The following SH3RF2 variants were observed in gnomAD, a reference collection of about 807,000 sequenced individuals.
The protein encoded by SH3RF2 is E3 ubiquitin-protein ligase SH3RF2.
SH3RF2 carries 43 observed loss-of-function variants against 59.0 expected under a neutral mutation model. The observed-to-expected ratio is 0.73, with a 90% CI of 0.57 to 0.94. The LOEUF is 0.94. Ranked by LOEUF, SH3RF2 falls within the 40% of genes least tolerant of loss-of-function variation. The pLI is 0.00. For synonymous variants in SH3RF2, 391 were observed against 391.5 expected (o/e 1.00, Z 0.01); for missense variants, 930 against 940.1 (o/e 0.99, Z 0.14).
chr5:145,997,439 C>G (rs2149981454), intron 2 of SH3RF2: 1 of 1,447,224 alleles, frequency 6.9e-7, no homozygotes, highest in East Asian at 2.3e-5. Flanking sequence ...CTGGCTGGTG[C>G]AAGGATGTTT....
chr5:146,044,843 T>C (rs1369381125), intron 5 of SH3RF2, among the ~76,000 whole-genome samples: 1 of 152,110 alleles, frequency 6.6e-6, no homozygotes, highest in African/African-American at 2.4e-5. Flanking sequence ...TCCTTTCCCA[T>C]TCCCTATTAG....
chr5:146,049,101 C>A lies in SH3RF2; in HGVS notation c.1178C>A (p.Ala393Asp). ...TTTGTAGCCCTGCACTCCTACTCAG[C>A]CCATGGACCCGATGAGCTGGACCTG... ...NMFVALHSYSAHGPDELDLQK... is the reference protein window; with the variant it reads ...NMFVALHSYSDHGPDELDLQK... Residue 393 changes from alanine to aspartate, a missense_variant, in exon 7 of 10, where the codon GCC (alanine) becomes GAC (aspartate). Ala to Asp is a moderately radical substitution (Grantham distance 126). Transcript: ENST00000359120. 1 of 1,614,124 alleles carries A rather than the reference C, an allele frequency of 6.2e-7. No individual in the cohort carries two copies. Among genetic ancestry groups the A allele is most frequent in the Non-Finnish European group, 8.5e-7 (1 of 1,179,988 alleles).
At chr5:146,036,763 A>G (rs1761950627) in intron 5 of SH3RF2, among the ~76,000 whole-genome samples, 1 of 152,182 alleles carries the variant, frequency 6.6e-6, no homozygotes, top group Non-Finnish European at 1.5e-5. Flanking sequence ...TGGGGAAAGC[A>G]TATTTGTCTT....
intron 2 of SH3RF2, among the ~76,000 whole-genome samples, chr5:145,958,993 G>A (rs1315388495): frequency 6.6e-6 from 1 of 152,138 alleles, no homozygotes; most frequent in African/African-American, 2.4e-5. Context: ...GCCATTTTGA[G>A]CCTCAAAAAG....
Position 145,959,619 on chromosome 5 carries a change from G to A in SH3RF2, c.378+21313G>A, listed in dbSNP as rs867678683. Among the ~76,000 whole-genome samples the A allele has an allele frequency of 5.8e-3, 659 of 114,128 alleles. 4 individuals are homozygous for A. The highest frequency in any genetic ancestry group is 0.019 in the African/African-American group (621 of 32,438). The allele number at this position is 114,128 out of a possible 152,430, so 74.9% of individuals were successfully genotyped here. On this transcript the variant is annotated intron_variant, in intron 2 of 9. Transcript: ENST00000359120. ...AAAATCTACTGCTATATATATATGT[G>A]TGTGTGTGTGTGTGTGTGTGTGTGT...
At chr5:146,043,040 G>T (rs989660385) in intron 5 of SH3RF2, 1 of 152,216 alleles carries the variant, frequency 6.6e-6, no homozygotes, top group African/African-American at 2.4e-5. Flanking sequence ...ATTCAGAAAG[G>T]CTGGGCCTCC....
Position 145,962,174 on chromosome 5 carries a change from T to G in SH3RF2, c.378+23868T>G, listed in dbSNP as rs547862419. Among the ~76,000 whole-genome samples, 10 of 152,312 alleles carry G rather than the reference T, an allele frequency of 6.6e-5. 1 individual carries two copies. The highest frequency in any genetic ancestry group is 2.2e-4 in the African/African-American group (9 of 41,558). Reference sequence around the variant, plus strand: ...CCAAAGGTATAAGGAATAGTCTGATTGGTTGGACCTCGGTCATGTGGCCAC... The same window carrying G: ...CCAAAGGTATAAGGAATAGTCTGATGGGTTGGACCTCGGTCATGTGGCCAC... On this transcript the variant is annotated intron_variant, in intron 2 of 9. Transcript: ENST00000359120.
intron 9 of SH3RF2, among the ~76,000 whole-genome samples, chr5:146,071,198 C>T (rs1763230113): frequency 6.6e-6 from 1 of 152,108 alleles, no homozygotes; most frequent in South Asian, 2.1e-4. Flanking sequence ...GCCTGGAGGT[C>T]CAAAAAGGAA....
chr5:145,997,672 C>T (rs1194011813), intron 2 of SH3RF2: 1 of 1,563,634 alleles, frequency 6.4e-7, no homozygotes, highest in African/African-American at 1.4e-5. Context: ...CCAGTTCAGT[C>T]AGTAATAATT....
At chr5:146,025,395 A>G (rs866910560) in intron 5 of SH3RF2, among the ~76,000 whole-genome samples, 1 of 152,182 alleles carries the variant, frequency 6.6e-6, no homozygotes, top group East Asian at 1.9e-4. Flanking sequence ...GCTGGCCCCC[A>G]GTCCAGGCCT....
intron 5 of SH3RF2, 31 bp downstream of exon 5, chr5:146,014,092 T>C: frequency 6.2e-7 from 1 of 1,603,598 alleles, no homozygotes; most frequent in Non-Finnish European, 8.5e-7. Context: ...ATGAGGGCAC[T>C]TTGGAGTTGG....
chr5:146,071,023 G>T (rs2962540), intron 9 of SH3RF2, among the ~76,000 whole-genome samples: 1 of 152,020 alleles, frequency 6.6e-6, no homozygotes, highest in Non-Finnish European at 1.5e-5. Flanking sequence ...GACTGCTATA[G>T]GTCACACATG....
Position 146,004,088 on chromosome 5 carries a change from G to A in SH3RF2, c.679G>A (p.Asp227Asn). The A allele has an allele frequency of 6.2e-7, 1 of 1,613,110 alleles. No homozygotes were observed. The highest frequency in any genetic ancestry group is 8.5e-7 in the Non-Finnish European group (1 of 1,179,236). ...DDIITVISRV[D>N]ENWAEGKLGD... ...TATCATCACTGTGATCAGCCGAGTG[G>A]ATGAGAACTGGGCAGAAGGCAAGTT... The change falls in exon 4 of 10, where the codon GAT becomes AAT. Residue 227 changes from aspartate to asparagine, a missense_variant. Transcript: ENST00000359120.
At chr5:146,064,784 G>GGAAGGAAGGAAGGA (rs1763043028), downstream of SH3RF2, among the ~76,000 whole-genome samples, 7 of 37,652 alleles carry the variant, frequency 1.9e-4, no homozygotes, top group Non-Finnish European at 3.0e-4. Context: ...GGAAAGGAAG[G>GGAAGGAAGGAAGGA]AAGGAAGGAA....
intron 2 of SH3RF2, among the ~76,000 whole-genome samples, chr5:145,974,634 C>G (rs747937748): frequency 6.6e-6 from 1 of 152,134 alleles, no homozygotes; most frequent in Non-Finnish European, 1.5e-5. Flanking sequence ...ACTATTGTAA[C>G]GACTTACAAA....
In SH3RF2 at chr5:145,961,483, C is replaced by T. The variant is rs758915017; in HGVS notation, c.378+23177C>T. Among the ~76,000 whole-genome samples the T allele has an allele frequency of 1.9e-4, 29 of 152,056 alleles. 1 individual carries two copies. Among genetic ancestry groups the T allele is most frequent in the Non-Finnish European group, 3.7e-4 (25 of 68,004 alleles). On this transcript the variant is annotated intron_variant, in intron 2 of 9. Transcript: ENST00000359120. ...TAGGATTCTTGGTACAGATAGGAAA[C>T]GATTTCAGGATTCTTTGGGATGAAA...
intron 5 of SH3RF2, among the ~76,000 whole-genome samples, chr5:146,041,637 A>G (rs898091530): frequency 2.0e-5 from 3 of 152,166 alleles, no homozygotes; most frequent in African/African-American, 7.2e-5. Flanking sequence ...TTCTATCTCT[A>G]AAATGCAGCC....
At chr5:145,997,320 C>A in intron 2 of SH3RF2, 1 of 1,102,830 alleles carries the variant, frequency 9.1e-7, no homozygotes, top group Non-Finnish European at 1.4e-6. Flanking sequence ...GAAACCAGAG[C>A]AGCTCCCCGT....
At chr5:145,945,742 C>T (rs1028846261) in intron 2 of SH3RF2, among the ~76,000 whole-genome samples, 1 of 152,084 alleles carries the variant, frequency 6.6e-6, no homozygotes, top group African/African-American at 2.4e-5. Flanking sequence ...TGACTAGATA[C>T]CACCAGGAAG....
Sources: gnomAD v4.1 joint callset for allele counts (sites outside exome capture counted in the v4.1 genomes callset) on GRCh38, gnomAD v4.1.1 for gene constraint, MANE v1.5 for transcripts, NCBI Gene and HGNC (gene_info 2026-07-23, HGNC 2026-07-21) for gene names.